The following SEL1L2 variants were observed in gnomAD, a reference collection of about 807,000 sequenced individuals.
SEL1L2 encodes the protein protein sel-1 homolog 2.
In SEL1L2, 89 loss-of-function variants were observed where a neutral mutation model predicts 98.8. The observed-to-expected ratio is 0.90, with a 90% CI of 0.76 to 1.07. The LOEUF (loss-of-function observed/expected upper bound fraction) is 1.07, where lower values mean the gene tolerates loss of function less well. Ranked by LOEUF, SEL1L2 falls within the 50% of genes least tolerant of loss-of-function variation. The pLI, the probability that SEL1L2 is intolerant of heterozygous loss-of-function variation, is 0.00. For synonymous variants in SEL1L2, 262 were observed against 278.5 expected (o/e 0.94, Z 0.59); for missense variants, 788 against 812.0 (o/e 0.97, Z 0.36).
chr20:13,885,485 A>C, intron 9 of SEL1L2, 82 bp from the exon 10 acceptor site: 1 of 922,676 alleles, frequency 1.1e-6, no homozygotes, highest in Admixed American at 1.7e-5. Flanking sequence ...ATTTTACTTT[A>C]GTATGTTGAT....
intron 5 of SEL1L2, among the ~76,000 whole-genome samples, chr20:13,898,493 T>C (rs6033852): frequency 0.11 from 16,694 of 152,168 alleles, 994 homozygotes; most frequent in African/African-American, 0.14. Context: ...TGAGATACCT[T>C]CTACTCTCTT....
chr20:13,937,197 C>T (rs775431207), intron 2 of SEL1L2, among the ~76,000 whole-genome samples: 15 of 152,332 alleles, frequency 9.8e-5, no homozygotes, highest in Middle Eastern at 3.4e-3. Flanking sequence ...CTGTGACCCA[C>T]GGTGATGGCC....
At chr20:13,895,338 G>A (rs2047375148) in intron 5 of SEL1L2, among the ~76,000 whole-genome samples, 1 of 151,842 alleles carries the variant, frequency 6.6e-6, no homozygotes, top group African/African-American at 2.4e-5. Context: ...AGCTACTTGG[G>A]AGGCTGTGGT....
chr20:13,915,061 GA>G (rs35631851), intron 4 of SEL1L2: 42 of 1,244,000 alleles, frequency 3.4e-5, no homozygotes, highest in East Asian at 2.3e-4. Flanking sequence ...CAAATACAGG[GA>G]AAAAAAACCC....
intron 11 of SEL1L2, 108 bp downstream of exon 11, chr20:13,877,412 C>T (rs2046485670): frequency 2.5e-6 from 2 of 796,038 alleles, no homozygotes; most frequent in Admixed American, 2.1e-5. Flanking sequence ...ATGATCTTTC[C>T]ACCTCAACTT....
chr20:13,973,832 G>A (rs1345065098), intron 1 of SEL1L2, among the ~76,000 whole-genome samples: 1 of 152,074 alleles, frequency 6.6e-6, no homozygotes, highest in Non-Finnish European at 1.5e-5. Flanking sequence ...GGGTTGGGGT[G>A]CCTGGGAATC....
chr20:13,852,067 A>G (rs1261002588), intron 18 of SEL1L2, among the ~76,000 whole-genome samples: 1 of 152,236 alleles, frequency 6.6e-6, no homozygotes, highest in Non-Finnish European at 1.5e-5. Flanking sequence ...ATTCCAACAA[A>G]TTCAGTGTTC....
intron 17 of SEL1L2, among the ~76,000 whole-genome samples, 175 bp from the exon 18 acceptor site, chr20:13,859,609 A>C (rs1989759026): frequency 6.6e-6 from 1 of 152,252 alleles, no homozygotes; most frequent in Non-Finnish European, 1.5e-5. Context: ...GATATACTTT[A>C]TGGAATACAA....
chr20:13,931,750 G>T lies in SEL1L2; in HGVS notation c.136C>A (p.Gln46Lys). Residue 46 changes from glutamine to lysine, a missense_variant, in exon 3 of 20, where the codon CAA becomes AAA. Physicochemically the swap from Gln to Lys is moderately conservative, Grantham distance 53 (BLOSUM62 1). Transcript: ENST00000284951. ...TTQVSVNEIK[Q>K]YLSHILEQRT... ...TGTTCCAATATGTGTGATAAATATT[G>T]TTTGATTTCGTTCACTGATACCTAC... 2.0e-6 allele frequency: 3 copies of T among 1,533,186 alleles called. No homozygotes were observed. The highest frequency in any genetic ancestry group is 1.7e-4 in the Middle Eastern group (1 of 5,734). 95.0% of individuals were successfully genotyped at this position (1,533,186 alleles called of 1,614,324 possible).
At chr20:13,953,803 C>T (rs2050388976) in intron 2 of SEL1L2, among the ~76,000 whole-genome samples, 1 of 152,118 alleles carries the variant, frequency 6.6e-6, no homozygotes, top group African/African-American at 2.4e-5. Context: ...TTTTCATGGT[C>T]GTGTGACAAG....
chr20:13,977,247 T>A (rs531736038), intron 1 of SEL1L2, among the ~76,000 whole-genome samples: 1 of 151,940 alleles, frequency 6.6e-6, no homozygotes, highest in Admixed American at 6.6e-5. Flanking sequence ...ACAAGAAGCA[T>A]AGAATATGAA....
chr20:13,992,333 G>A (rs375668626), upstream of SEL1L2, among the ~76,000 whole-genome samples: 7 of 151,948 alleles, frequency 4.6e-5, no homozygotes, highest in Non-Finnish European at 7.4e-5. Context: ...GTGAAATCCC[G>A]TCTCTACTAA....
Position 13,886,381 on chromosome 20 carries a change from T to A in SEL1L2, c.807A>T (p.Arg269Ser), listed in dbSNP as rs1441425522. Reference protein sequence around the residue: ...VPVEKVRLTERPENLSSNSEI... With the variant: ...VPVEKVRLTESPENLSSNSEI... Reference sequence around the variant, plus strand: ...CACTGTTAGAACTCAGATTTTCAGGTCTTTCCGTTAGTCTCACTTTTTCCA... The same window carrying A: ...CACTGTTAGAACTCAGATTTTCAGGACTTTCCGTTAGTCTCACTTTTTCCA... The change falls in exon 9 of 20, where the codon AGA becomes AGT. Residue 269 changes from arginine to serine, a missense_variant. Coordinates refer to ENST00000284951, the MANE Select transcript of SEL1L2 (RefSeq NM_025229.2). 1.2e-6 allele frequency: 2 copies of A among 1,613,836 alleles called. No homozygotes were observed. The highest frequency in any genetic ancestry group is 2.7e-5 in the African/African-American group (2 of 74,902).
At chr20:13,852,676 C>T (rs1009303885) in intron 18 of SEL1L2, among the ~76,000 whole-genome samples, 2 of 152,180 alleles carry the variant, frequency 1.3e-5, no homozygotes, top group African/African-American at 4.8e-5. Context: ...GCTGCAGACT[C>T]TTGTTAAAAG....
Position 13,990,614 on chromosome 20 carries a change from T to G in SEL1L2, c.-80A>C, listed in dbSNP as rs2052502155. ...CCCAAGAGCTCCTCTTCTCAGGGAC[T>G]GTGGTGGGGGCAGGAGTCAGTTGCT... is the stretch of plus-strand genomic sequence containing the variant. On this transcript the variant is annotated 5_prime_UTR_variant, in exon 1 of 20. Coordinates refer to ENST00000284951, the MANE Select transcript of SEL1L2 (RefSeq NM_025229.2). The G allele has an allele frequency of 9.1e-7, 1 of 1,096,186 alleles. No individual in the cohort carries two copies. The highest frequency in any genetic ancestry group is 1.6e-5 in the African/African-American group (1 of 63,224). 67.9% of individuals were successfully genotyped at this position (1,096,186 alleles called of 1,614,324 possible). A position where few individuals can be genotyped will look rare whatever the true frequency, so the allele number is the denominator to read the frequency against.
At chr20:13,954,070 CA>C (rs1422685638) in intron 2 of SEL1L2, among the ~76,000 whole-genome samples, 1 of 151,164 alleles carries the variant, frequency 6.6e-6, no homozygotes, top group East Asian at 1.9e-4. Flanking sequence ...TGTGTGTTTT[CA>C]AAAAGTTTTT....
At position 13,931,198 on chromosome 20, in the gene SEL1L2, C is replaced by T. The variant is rs955767019; in HGVS notation, c.283+405G>A. On this transcript the variant is annotated intron_variant, in intron 3 of 19. Coordinates refer to ENST00000284951, the MANE Select transcript of SEL1L2 (RefSeq NM_025229.2). ...AGCTGGGACTACAGGTGCCCGCCAC[C>T]GTGCCTGGCTAATTTTTGTATTTTT... Among the ~76,000 whole-genome samples, 18 of 151,990 alleles carry T rather than the reference C, an allele frequency of 1.2e-4. No individual in the cohort carries two copies. In the East Asian group the frequency reaches 2.4e-3, roughly 20 times the overall value.
At chr20:13,970,828 G>A (rs773818049) in intron 1 of SEL1L2, among the ~76,000 whole-genome samples, 15 of 151,122 alleles carry the variant, frequency 9.9e-5, no homozygotes, top group East Asian at 5.8e-4. Flanking sequence ...GTAAAACTCC[G>A]TCTCAAAAAG....
chr20:13,989,136 G>A (rs994813530), intron 1 of SEL1L2, among the ~76,000 whole-genome samples: 2 of 152,190 alleles, frequency 1.3e-5, no homozygotes, highest in South Asian at 2.1e-4. Context: ...TTTTCATGTA[G>A]TGAAGTCTTC....
Sources: allele counts gnomAD v4.1 joint callset (sites outside exome capture counted in the v4.1 genomes callset), GRCh38; gene constraint gnomAD v4.1.1; transcripts MANE v1.5; gene names NCBI Gene and HGNC (gene_info 2026-07-23, HGNC 2026-07-21).